Variants in LRGUK observed in about 807,000 individuals in gnomAD.
LRGUK encodes the protein leucine-rich repeat and guanylate kinase domain-containing protein.
In LRGUK, 65 loss-of-function variants were observed where a neutral mutation model predicts 76.0. That is an observed-to-expected ratio of 0.85 (90% CI 0.70 to 1.05). The LOEUF (loss-of-function observed/expected upper bound fraction) is 1.05, where lower values mean the gene tolerates loss of function less well. Ranked by LOEUF, LRGUK falls within the 50% of genes least tolerant of loss-of-function variation. LRGUK has a pLI of 0.00. For synonymous variants in LRGUK, 268 were observed against 265.6 expected, an observed-to-expected ratio of 1.01 and a Z score of -0.09; for missense variants, 758 against 732.8, an observed-to-expected ratio of 1.03 and a Z score of -0.40.
exon 16 of LRGUK, chr7:134,209,950 G>A (rs867410093): frequency 5.0e-6 from 2 of 399,232 alleles, no homozygotes; most frequent in Non-Finnish European, 8.8e-6. Context: ...CCCAGAACTC[G>A]GGGACTCAGC....
chr7:134,173,256 A>G (rs1205359067), intron 7 of LRGUK, among the ~76,000 whole-genome samples: 1 of 152,158 alleles, frequency 6.6e-6, no homozygotes, highest in East Asian at 1.9e-4. Flanking sequence ...CACCTTTCAT[A>G]TTGTATCTTT....
chr7:134,145,541 C>G (rs58535034), intron 4 of LRGUK, among the ~76,000 whole-genome samples: 1 of 152,148 alleles, frequency 6.6e-6, no homozygotes, highest in Non-Finnish European at 1.5e-5. Flanking sequence ...GCTGCTGCGC[C>G]TGGCCTCAGG....
chr7:134,193,638 T>G (rs1160183274), intron 12 of LRGUK, among the ~76,000 whole-genome samples: 1 of 152,198 alleles, frequency 6.6e-6, no homozygotes, highest in African/African-American at 2.4e-5. Context: ...TTTCTTGAAC[T>G]TGAATTGTGC....
At chr7:134,201,847 G>A (rs1348490747) in intron 15 of LRGUK, among the ~76,000 whole-genome samples, 1 of 152,164 alleles carries the variant, frequency 6.6e-6, no homozygotes, top group Non-Finnish European at 1.5e-5. Flanking sequence ...ATAGATAAGG[G>A]TTAACCTCAT....
At chr7:134,132,774 T>C (rs1445632778) in intron 1 of LRGUK, among the ~76,000 whole-genome samples, 1 of 151,894 alleles carries the variant, frequency 6.6e-6, no homozygotes, top group Non-Finnish European at 1.5e-5. Flanking sequence ...GGACCCTGAG[T>C]AGAGAGAAGG....
chr7:134,216,855 A>G (rs1013484374), intron 15 of LRGUK, among the ~76,000 whole-genome samples: 16 of 152,178 alleles, frequency 1.1e-4, no homozygotes, highest in African/African-American at 3.4e-4. Context: ...ATGAAGTAAC[A>G]TCTTTGAAAA....
chr7:134,221,978 A>C, intron 16 of LRGUK, 60 bp downstream of exon 16: 1 of 1,395,164 alleles, frequency 7.2e-7, no homozygotes. Context: ...TCAGACAAAG[A>C]GGGGATTTAA....
chr7:134,171,088 C>T (rs16874430), intron 7 of LRGUK, among the ~76,000 whole-genome samples: 21,734 of 151,680 alleles, frequency 0.14, 2,213 homozygotes, highest in East Asian at 0.38. Context: ...TTCAGGCCTG[C>T]GGCAACCCAA....
At chr7:134,194,272 A>T (rs1800389996) in intron 12 of LRGUK, among the ~76,000 whole-genome samples, 1 of 152,152 alleles carries the variant, frequency 6.6e-6, no homozygotes, top group Non-Finnish European at 1.5e-5. Flanking sequence ...ACATCTCTAC[A>T]TCTTTCTAGA....
intron 5 of LRGUK, among the ~76,000 whole-genome samples, chr7:134,153,891 T>G (rs1798340781): frequency 6.6e-6 from 1 of 152,230 alleles, no homozygotes; most frequent in Non-Finnish European, 1.5e-5. Flanking sequence ...TATTTCTCAG[T>G]AACTGTTTGC....
At chr7:134,255,644 C>T (rs936758250) in intron 18 of LRGUK, among the ~76,000 whole-genome samples, 16 of 152,232 alleles carry the variant, frequency 1.1e-4, no homozygotes, top group African/African-American at 1.7e-4. Context: ...CCAGCATCTC[C>T]GACATAATTC....
chr7:134,139,478 C>G (rs1797675857), exon 3 of LRGUK: 10 of 1,610,062 alleles, frequency 6.2e-6, no homozygotes, highest in Non-Finnish European at 8.5e-6. Context: ...TGGATATGTT[C>G]ATCTACAGAA....
At chr7:134,167,524 C>T (rs569808701) in intron 7 of LRGUK, among the ~76,000 whole-genome samples, 12 of 152,194 alleles carry the variant, frequency 7.9e-5, no homozygotes, top group South Asian at 2.1e-4. Flanking sequence ...AACAGGAGAC[C>T]GCAGGTTCCA....
At chr7:134,163,720 AC>A in intron 7 of LRGUK, among the ~76,000 whole-genome samples, 180 bp downstream of exon 7, 1 of 152,342 alleles carries the variant, frequency 6.6e-6, no homozygotes, top group Non-Finnish European at 1.5e-5. Flanking sequence ...AAAAATACTT[AC>A]AATCTTAATT....
chr7:134,199,808 T>G (rs1294016006), intron 14 of LRGUK, among the ~76,000 whole-genome samples: 1 of 151,218 alleles, frequency 6.6e-6, no homozygotes, highest in African/African-American at 2.4e-5. Flanking sequence ...ACTCAAAATA[T>G]TATAACTTAA....
At chr7:134,161,943 C>T (rs971802090) in intron 6 of LRGUK, among the ~76,000 whole-genome samples, 3 of 152,080 alleles carry the variant, frequency 2.0e-5, no homozygotes, top group African/African-American at 4.8e-5. Context: ...CCGCCTGCCG[C>T]AGCCTCCCAA....
intron 16 of LRGUK, among the ~76,000 whole-genome samples, chr7:134,223,274 T>A (rs1212210250): frequency 6.6e-6 from 1 of 152,170 alleles, no homozygotes; most frequent in African/African-American, 2.4e-5. Flanking sequence ...TCCTTCCATC[T>A]CTTTAATTCA....
chr7:134,158,177 C>T lies in LRGUK; in HGVS notation c.795+18C>T, dbSNP rs1384222009. On this transcript the variant is annotated intron_variant, in intron 6 of 15. Transcript: ENST00000645682. Reference sequence around the variant, plus strand: ...TTTGTCTGGTGAGTCTAACAAAATGCTGTTCTTTATAGAAGTAGTAGTTAA... The same window carrying T: ...TTTGTCTGGTGAGTCTAACAAAATGTTGTTCTTTATAGAAGTAGTAGTTAA... 6.2e-7 allele frequency: 1 copy of T among 1,604,778 alleles called. No individual in the cohort carries two copies. Among genetic ancestry groups the T allele is most frequent in the Non-Finnish European group, 8.5e-7 (1 of 1,173,132 alleles).
chr7:134,169,133 G>GACACACACAC (rs36204942), intron 7 of LRGUK, among the ~76,000 whole-genome samples: 33 of 135,588 alleles, frequency 2.4e-4, no homozygotes, highest in African/African-American at 7.5e-4. Flanking sequence ...AAGGGAAGAA[G>GACACACACAC]ACACACACAC....
Sources: allele counts gnomAD v4.1 joint callset (sites outside exome capture counted in the v4.1 genomes callset), GRCh38; gene constraint gnomAD v4.1.1; transcripts MANE v1.5; gene names NCBI Gene and HGNC (gene_info 2026-07-23, HGNC 2026-07-21).